Variants in GRM5 observed in about 807,000 individuals in gnomAD.
GRM5 encodes glutamate metabotropic receptor 5, also known as metabotropic glutamate receptor 5.
GRM5 carries 19 observed loss-of-function variants against 83.1 expected under a neutral mutation model. The ratio of observed to expected loss-of-function variants is 0.23; its 90% confidence interval spans 0.16 to 0.34. The LOEUF (loss-of-function observed/expected upper bound fraction) is 0.34, where lower values mean the gene tolerates loss of function less well. Among genes scored for constraint, GRM5 ranks in the 10% least tolerant of loss-of-function variants. GRM5 has a pLI of 1.00. For missense variants in GRM5, 1,160 were observed against 1,588.3 expected, an observed-to-expected ratio of 0.73 and a Z score of 4.58; for synonymous variants, 675 against 633.6, an observed-to-expected ratio of 1.07 and a Z score of -0.98.
chr11:88,879,215 G>GAATA (rs1395980522), intron 2 of GRM5, among the ~76,000 whole-genome samples: 3 of 152,004 alleles, frequency 2.0e-5, no homozygotes, highest in African/African-American at 7.2e-5. Flanking sequence ...AGTGCAAATT[G>GAATA]AATAGATTAA....
intron 3 of GRM5, among the ~76,000 whole-genome samples, chr11:88,739,205 CAA>C (rs1941979778): frequency 6.6e-6 from 1 of 152,010 alleles, no homozygotes; most frequent in Admixed American, 6.6e-5. Context: ...ATATGGTAAA[CAA>C]GACTTACAAA....
At chr11:88,725,070 G>A (rs1463960148) in intron 3 of GRM5, among the ~76,000 whole-genome samples, 1 of 152,086 alleles carries the variant, frequency 6.6e-6, no homozygotes, top group South Asian at 2.1e-4. Flanking sequence ...CCTGGAAAGG[G>A]GGCTGAAGCC....
At chr11:88,535,059 T>G (rs961481294) in intron 8 of GRM5, among the ~76,000 whole-genome samples, 1 of 152,214 alleles carries the variant, frequency 6.6e-6, no homozygotes, top group Non-Finnish European at 1.5e-5. Context: ...TAAACCTCTT[T>G]CTTTTGTAAA....
At chr11:89,052,413 C>T (rs1485158174) in intron 1 of GRM5, among the ~76,000 whole-genome samples, 3 of 151,968 alleles carry the variant, frequency 2.0e-5, no homozygotes, top group Non-Finnish European at 2.9e-5. Context: ...TAAATGACGT[C>T]ATAGAGGGCA....
chr11:88,916,774 A>AGAGT, intron 2 of GRM5, among the ~76,000 whole-genome samples: 3 of 696 alleles, frequency 4.3e-3, no homozygotes, highest in African/African-American at 7.0e-3. Context: ...AAGAGAGAGA[A>AGAGT]AAGAGAACTT....
chr11:88,917,542 A>G (rs1383963701), intron 2 of GRM5, among the ~76,000 whole-genome samples: 4 of 152,206 alleles, frequency 2.6e-5, no homozygotes, highest in Non-Finnish European at 4.4e-5. Flanking sequence ...GACCTTTCAG[A>G]TAACTCAAAA....
intron 3 of GRM5, among the ~76,000 whole-genome samples, chr11:88,742,180 T>C (rs1370432459): frequency 6.6e-6 from 1 of 152,042 alleles, no homozygotes; most frequent in Non-Finnish European, 1.5e-5. Flanking sequence ...GGTCATGTAG[T>C]TCAATCTCTG....
intron 2 of GRM5, among the ~76,000 whole-genome samples, chr11:88,901,128 A>G (rs1328969238): frequency 2.0e-5 from 3 of 152,092 alleles, no homozygotes; most frequent in Non-Finnish European, 4.4e-5. Context: ...GCCCTAGAGG[A>G]ATGCTGATGG....
At chr11:89,032,613 A>G (rs1347626112) in intron 2 of GRM5, among the ~76,000 whole-genome samples, 2 of 152,066 alleles carry the variant, frequency 1.3e-5, no homozygotes, top group Non-Finnish European at 2.9e-5. Context: ...TGTGCCAAGT[A>G]TTACGCTAAA....
rs370939508 is a variant in GRM5 at position 88,977,988 on chromosome 11, T to C, written c.661+69224A>G. Among the ~76,000 whole-genome samples the C allele has an allele frequency of 4.6e-5, 7 of 152,358 alleles. No individual in the cohort carries two copies. The South Asian group carries it at 1.0e-3, about 23-fold the overall frequency. ...TACCCTTTCATTCAGCATTTCTGCT[T>C]ATACATCCTTAAGTATATCATCTAC... On this transcript the variant is annotated intron_variant, in intron 2 of 9. Coordinates refer to ENST00000305447, the MANE Select transcript of GRM5 (RefSeq NM_001143831.3).
chr11:88,926,637 ATTAATT>A (rs991691259), intron 2 of GRM5, among the ~76,000 whole-genome samples: 2 of 152,194 alleles, frequency 1.3e-5, no homozygotes, highest in African/African-American at 2.4e-5. Flanking sequence ...ACAAATCTAT[ATTAATT>A]TTATTTCAAA....
chr11:88,781,049 G>T (rs1012701551), intron 3 of GRM5, among the ~76,000 whole-genome samples: 19 of 150,764 alleles, frequency 1.3e-4, no homozygotes, highest in Admixed American at 5.3e-4. Flanking sequence ...TGTACATATG[G>T]CATATAGAGC....
chr11:88,690,098 A>G (rs1485952093), intron 3 of GRM5, among the ~76,000 whole-genome samples: 1 of 152,216 alleles, frequency 6.6e-6, no homozygotes. Flanking sequence ...GAAAATGTCT[A>G]TAACACAGAG....
intron 2 of GRM5, among the ~76,000 whole-genome samples, chr11:88,866,536 G>T (rs1309037787): frequency 2.0e-5 from 3 of 151,662 alleles, no homozygotes; most frequent in Non-Finnish European, 4.4e-5. Flanking sequence ...ATGTATCCCA[G>T]AATTTAGAGT....
At chr11:89,039,830 C>T (rs1052239925) in intron 2 of GRM5, among the ~76,000 whole-genome samples, 19 of 152,198 alleles carry the variant, frequency 1.2e-4, no homozygotes, top group African/African-American at 4.6e-4. Flanking sequence ...TGATATTGGT[C>T]TTGCCCTGTC....
chr11:88,893,353 G>C (rs1042807556), intron 2 of GRM5, among the ~76,000 whole-genome samples: 2 of 152,042 alleles, frequency 1.3e-5, no homozygotes, highest in African/African-American at 4.8e-5. Context: ...TTTAGGAGAA[G>C]TCAGAAGATT....
intron 2 of GRM5, among the ~76,000 whole-genome samples, chr11:88,969,075 A>T (rs1399557285): frequency 6.6e-6 from 1 of 152,124 alleles, no homozygotes; most frequent in African/African-American, 2.4e-5. Context: ...GAGCAATAGC[A>T]ATGAATACAG....
rs577455438 is a variant in GRM5, at chr11:88,685,532, C to T, written c.912-32129G>A. 2.4e-4 allele frequency among the ~76,000 whole-genome samples: 37 copies of T among 152,256 alleles called. 2 individuals carry two copies. The South Asian group carries it at 6.6e-3, about 27-fold the overall frequency. ...AGTAACAAGGAGCCAAATGTTAATC[C>T]CCAAGACAATGGGGAAAATGTCTCC... On this transcript the variant is annotated intron_variant, in intron 3 of 9. Coordinates refer to ENST00000305447, the MANE Select transcript of GRM5 (RefSeq NM_001143831.3).
At chr11:89,015,375 G>A (rs543949881) in intron 2 of GRM5, among the ~76,000 whole-genome samples, 9 of 152,162 alleles carry the variant, frequency 5.9e-5, no homozygotes, top group African/African-American at 2.2e-4. Flanking sequence ...GGCACTCGCA[G>A]GGTATCTGTT....
Sources: allele counts gnomAD v4.1 joint callset (sites outside exome capture counted in the v4.1 genomes callset), GRCh38; gene constraint gnomAD v4.1.1; transcripts MANE v1.5; gene names NCBI Gene and HGNC (gene_info 2026-07-23, HGNC 2026-07-21).